Variants in HHAT observed in about 807,000 individuals in gnomAD.
HHAT encodes the protein hedgehog acyltransferase.
In HHAT, 47 loss-of-function variants were observed where a neutral mutation model predicts 70.8. That is an observed-to-expected ratio of 0.66 (90% confidence interval 0.53 to 0.85). The LOEUF (loss-of-function observed/expected upper bound fraction) is 0.85. Among genes scored for constraint, HHAT ranks in the 40% least tolerant of loss-of-function variants. HHAT has a pLI of 0.00. For synonymous variants in HHAT, 228 were observed against 247.6 expected, an observed-to-expected ratio of 0.92 and a Z score of 0.74; for missense variants, 609 against 604.8, an observed-to-expected ratio of 1.01 and a Z score of -0.07.
intron 6 of HHAT, 61 bp from the exon 7 acceptor site, chr1:210,418,093 T>G: frequency 6.6e-7 from 1 of 1,509,110 alleles, no homozygotes; most frequent in Non-Finnish European, 9.2e-7. Flanking sequence ...AAAAATCTTA[T>G]CTAAGGGACT....
chr1:210,376,123 C>T (rs1264914501), intron 3 of HHAT, among the ~76,000 whole-genome samples: 1 of 151,558 alleles, frequency 6.6e-6, no homozygotes, highest in African/African-American at 2.4e-5. Flanking sequence ...CCTCGGCCTC[C>T]CAAAGTTCTG....
chr1:210,437,737 T>C (rs907310683), intron 7 of HHAT, among the ~76,000 whole-genome samples: 2 of 151,862 alleles, frequency 1.3e-5, no homozygotes, highest in African/African-American at 4.9e-5. Flanking sequence ...CCTGGGCTCA[T>C]TTTGAGGTGT....
intron 9 of HHAT, among the ~76,000 whole-genome samples, chr1:210,569,778 A>C (rs1413808372): frequency 6.6e-6 from 1 of 151,964 alleles, no homozygotes; most frequent in Non-Finnish European, 1.5e-5. Context: ...CAACCCCTTC[A>C]TCCCCCAGCA....
chr1:210,481,774 A>G (rs970606038), intron 8 of HHAT, among the ~76,000 whole-genome samples: 10 of 152,216 alleles, frequency 6.6e-5, no homozygotes, highest in Non-Finnish European at 1.5e-5. Context: ...CAAATACACA[A>G]TTTGTGAATA....
intron 6 of HHAT, among the ~76,000 whole-genome samples, chr1:210,408,483 TCTTA>T (rs1427407972): frequency 1.3e-5 from 2 of 152,260 alleles, no homozygotes; most frequent in East Asian, 1.9e-4. Context: ...ATGCTCGGCC[TCTTA>T]CTTTTATTAT....
intron 4 of HHAT, among the ~76,000 whole-genome samples, chr1:210,395,414 GTCTTT>G: frequency 7.7e-6 from 1 of 130,022 alleles, no homozygotes; most frequent in Non-Finnish European, 1.6e-5. Flanking sequence ...CAAATCTGTA[GTCTTT>G]TCTTAAGGGC....
At chr1:210,437,387 T>C (rs1331828531) in intron 7 of HHAT, among the ~76,000 whole-genome samples, 1 of 151,898 alleles carries the variant, frequency 6.6e-6, no homozygotes, top group East Asian at 1.9e-4. Flanking sequence ...TTGGTGAATT[T>C]GGAAAGCAGA....
chr1:210,511,690 T>A (rs560408159), intron 8 of HHAT, among the ~76,000 whole-genome samples: 7 of 151,496 alleles, frequency 4.6e-5, no homozygotes, highest in Admixed American at 4.6e-4. Flanking sequence ...GAGGCGAGAC[T>A]GGTGGGTGGG....
chr1:210,520,898 C>T (rs2095146652), intron 9 of HHAT, among the ~76,000 whole-genome samples: 1 of 152,118 alleles, frequency 6.6e-6, no homozygotes. Flanking sequence ...TCATCAGAGC[C>T]ACTACTTTTG....
chr1:210,424,733 C>T (rs2093010907), intron 7 of HHAT, among the ~76,000 whole-genome samples: 1 of 152,038 alleles, frequency 6.6e-6, no homozygotes, highest in Admixed American at 6.6e-5. Flanking sequence ...ACCACATTTT[C>T]TTTATCCAGG....
rs529069041 is a variant in HHAT, at chr1:210,660,288, A to G, written c.1391-14000A>G. ...ACCAATAACAGACAAACAGAGAGCG[A>G]AATCATGAGTGAACTCCCATTCACA... is the stretch of plus-strand genomic sequence containing the variant. On this transcript the variant is annotated intron_variant, in intron 11 of 11. Transcript: ENST00000261458. Among the ~76,000 whole-genome samples the G allele has an allele frequency of 3.3e-4, 51 of 152,338 alleles. No homozygotes were observed. In the South Asian group the frequency reaches 0.01, roughly 31 times the overall value.
chr1:210,637,858 C>A (rs1324642584), intron 11 of HHAT, among the ~76,000 whole-genome samples: 603 of 116,128 alleles, frequency 5.2e-3, no homozygotes, highest in South Asian at 8.1e-3. Context: ...GACTCCGTCT[C>A]AAAAAAAAAA....
chr1:210,675,208 A>G lies in HHAT; in HGVS notation c.*829A>G, dbSNP rs1044363060. On this transcript the variant is annotated 3_prime_UTR_variant, in exon 12 of 12. Transcript: ENST00000261458. ...CTGGAGTCTTGTCCACCCTCTCCATACAAGTCTCAAAAGTCATCCTCCTAC... is the reference window on the plus strand; with the variant it reads ...CTGGAGTCTTGTCCACCCTCTCCATGCAAGTCTCAAAAGTCATCCTCCTAC... The G allele has an allele frequency of 1.3e-5, 2 of 152,166 alleles. No homozygotes were observed. The highest frequency in any genetic ancestry group is 2.9e-5 in the Non-Finnish European group (2 of 68,032). 9.4% of individuals were successfully genotyped at this position (152,166 alleles called of 1,614,324 possible).
intron 11 of HHAT, among the ~76,000 whole-genome samples, chr1:210,673,903 G>A (rs912190930): frequency 2.7e-5 from 4 of 150,704 alleles, no homozygotes; most frequent in Admixed American, 1.3e-4. Context: ...CCAAAGTGCC[G>A]GGATTACAGG....
At chr1:210,568,977 A>G (rs1350219298) in intron 9 of HHAT, among the ~76,000 whole-genome samples, 1 of 152,130 alleles carries the variant, frequency 6.6e-6, no homozygotes, top group African/African-American at 2.4e-5. Flanking sequence ...GGTAGATAGT[A>G]TCAGAATTAA....
At chr1:210,596,210 C>T (rs890249265) in intron 10 of HHAT, among the ~76,000 whole-genome samples, 1 of 152,128 alleles carries the variant, frequency 6.6e-6, no homozygotes, top group African/African-American at 2.4e-5. Context: ...TTCCCAGCAC[C>T]ATTTGTTAAA....
At chr1:210,523,830 G>A (rs914556844) in intron 9 of HHAT, among the ~76,000 whole-genome samples, 1 of 152,174 alleles carries the variant, frequency 6.6e-6, no homozygotes, top group African/African-American at 2.4e-5. Context: ...CAAATTAAGT[G>A]CCCTAAGTAC....
Position 210,464,668 on chromosome 1 carries a change from G to A in HHAT, c.1007+13G>A, listed in dbSNP as rs1190713428. On this transcript the variant is annotated intron_variant, in intron 8 of 11. Transcript: ENST00000261458. ...CCGGGATGTGGAGGTCAGGCGCTGGGATTGCTAAAGTTGGTCAGGCATGTC... is the reference window on the plus strand; with the variant it reads ...CCGGGATGTGGAGGTCAGGCGCTGGAATTGCTAAAGTTGGTCAGGCATGTC... 6.2e-7 allele frequency: 1 copy of A among 1,613,870 alleles called. No homozygotes were observed. Among genetic ancestry groups the A allele is most frequent in the Non-Finnish European group, 8.5e-7 (1 of 1,180,010 alleles).
At chr1:210,494,495 G>A (rs541299942) in intron 8 of HHAT, among the ~76,000 whole-genome samples, 32 of 150,490 alleles carry the variant, frequency 2.1e-4, no homozygotes, top group African/African-American at 7.3e-4. Context: ...GAAGGCTACC[G>A]GAGGAGGAGA....
Sources: gnomAD v4.1 joint callset for allele counts (sites outside exome capture counted in the v4.1 genomes callset) on GRCh38, gnomAD v4.1.1 for gene constraint, MANE v1.5 for transcripts, NCBI Gene and HGNC (gene_info 2026-07-23, HGNC 2026-07-21) for gene names.